Variants in CACNA2D3 observed in about 807,000 individuals in gnomAD.
CACNA2D3 encodes calcium voltage-gated channel auxiliary subunit alpha2delta 3.
Under a neutral mutation model 160.6 loss-of-function variants are expected in CACNA2D3, and 60 were observed. The observed-to-expected ratio is 0.37, with a 90% CI of 0.30 to 0.46. The LOEUF is 0.46. Among genes scored for constraint, CACNA2D3 ranks in the 20% least tolerant of loss-of-function variants. The probability of loss-of-function intolerance (pLI) is 1.00; values close to 1 mark genes in which losing one functional copy is unlikely to be tolerated. For missense variants in CACNA2D3, 1,205 were observed against 1,365.0 expected (o/e 0.88, Z 1.85); for synonymous variants, 558 against 492.9 (o/e 1.13, Z -1.75).
chr3:54,867,907 G>T (rs1406796328), intron 17 of CACNA2D3, among the ~76,000 whole-genome samples: 2 of 152,216 alleles, frequency 1.3e-5, no homozygotes, highest in African/African-American at 4.8e-5. Context: ...CACTGATCAG[G>T]CCACATGAAG....
intron 2 of CACNA2D3, among the ~76,000 whole-genome samples, chr3:54,194,167 G>T (rs1701030970): frequency 6.6e-6 from 1 of 152,098 alleles, no homozygotes; most frequent in Non-Finnish European, 1.5e-5. Context: ...GGAGAGTAGG[G>T]TGACTATAGT....
chr3:54,783,475 G>A (rs1207061642), intron 13 of CACNA2D3, among the ~76,000 whole-genome samples: 2 of 151,972 alleles, frequency 1.3e-5, no homozygotes, highest in African/African-American at 4.8e-5. Flanking sequence ...GCATGGTGCC[G>A]TGTGCCTGTA....
chr3:54,341,423 G>A (rs1698337837), intron 3 of CACNA2D3, among the ~76,000 whole-genome samples: 1 of 152,170 alleles, frequency 6.6e-6, no homozygotes, highest in Non-Finnish European at 1.5e-5. Context: ...GGGAAGCTGT[G>A]CAGAGAGACT....
intron 3 of CACNA2D3, among the ~76,000 whole-genome samples, chr3:54,330,750 C>T (rs1344546402): frequency 6.6e-6 from 1 of 152,176 alleles, no homozygotes; most frequent in African/African-American, 2.4e-5. Flanking sequence ...TGGGTGGCCT[C>T]TGTTAGGATG....
At chr3:55,073,064 A>G (rs748065808) in intron 35 of CACNA2D3, among the ~76,000 whole-genome samples, 9 of 152,202 alleles carry the variant, frequency 5.9e-5, no homozygotes, top group Non-Finnish European at 8.8e-5. Flanking sequence ...CGCCACTTAG[A>G]GGAACATCAA....
chr3:54,691,139 A>G (rs1222283247), intron 11 of CACNA2D3, among the ~76,000 whole-genome samples: 2 of 152,044 alleles, frequency 1.3e-5, no homozygotes, highest in African/African-American at 4.8e-5. Flanking sequence ...CTGGTTCCCA[A>G]CCCGCCAGAG....
chr3:54,378,454 A>G (rs1445039476), intron 3 of CACNA2D3, among the ~76,000 whole-genome samples: 2 of 152,126 alleles, frequency 1.3e-5, no homozygotes, highest in East Asian at 3.9e-4. Context: ...CAGGCCACCG[A>G]CCAGTACTGG....
chr3:55,008,306 G>A (rs1467699968), intron 33 of CACNA2D3, among the ~76,000 whole-genome samples: 1 of 152,138 alleles, frequency 6.6e-6, no homozygotes, highest in African/African-American at 2.4e-5. Flanking sequence ...TCAAACTATG[G>A]TCTTGTTTGG....
At chr3:54,884,162 C>T (rs770645660) in intron 21 of CACNA2D3, among the ~76,000 whole-genome samples, 8 of 152,128 alleles carry the variant, frequency 5.3e-5, no homozygotes, top group Admixed American at 3.3e-4. Context: ...AGAAAGGCTG[C>T]ACAGATAGAT....
At chr3:54,212,124 A>C (rs1389285365) in intron 2 of CACNA2D3, among the ~76,000 whole-genome samples, 1 of 152,226 alleles carries the variant, frequency 6.6e-6, no homozygotes, top group Non-Finnish European at 1.5e-5. Context: ...TATCTGAGAC[A>C]GGTCTGAATC....
chr3:54,487,512 G>A (rs919330898), intron 4 of CACNA2D3, among the ~76,000 whole-genome samples: 2 of 152,202 alleles, frequency 1.3e-5, no homozygotes, highest in African/African-American at 4.8e-5. Flanking sequence ...GAGGATAAGT[G>A]TGTCAACACA....
rs1703710948 is a variant in CACNA2D3, at chr3:55,032,846, A to T, written c.2987+14529A>T. 2.0e-5 allele frequency among the ~76,000 whole-genome samples: 3 copies of T among 150,584 alleles called. No individual in the cohort carries two copies. The South Asian group carries it at 6.3e-4, about 32-fold the overall frequency. On this transcript the variant is annotated intron_variant, in intron 35 of 37. Transcript: ENST00000474759. ...TCATGTTAATTCCTGTGTTCCTAGCACTTAACATAGGACCTTGTGTATAAA... is the reference window on the plus strand; with the variant it reads ...TCATGTTAATTCCTGTGTTCCTAGCTCTTAACATAGGACCTTGTGTATAAA...
intron 35 of CACNA2D3, among the ~76,000 whole-genome samples, chr3:55,043,031 A>G (rs1703991306): frequency 6.6e-6 from 1 of 152,192 alleles, no homozygotes; most frequent in African/African-American, 2.4e-5. Flanking sequence ...GACACTTTGG[A>G]GTTTTTGGTG....
chr3:54,300,297 C>A (rs1368562635), intron 2 of CACNA2D3, among the ~76,000 whole-genome samples: 2 of 152,146 alleles, frequency 1.3e-5, no homozygotes, highest in Non-Finnish European at 2.9e-5. Flanking sequence ...GATGTGATGC[C>A]CTGTCACCAG....
chr3:54,717,903 C>T (rs1425180017), intron 11 of CACNA2D3, among the ~76,000 whole-genome samples: 1 of 151,738 alleles, frequency 6.6e-6, no homozygotes, highest in African/African-American at 2.4e-5. Flanking sequence ...GTGTGTTCTG[C>T]ATCTGGGTGT....
At chr3:54,995,322 T>C (rs1360305112) in intron 31 of CACNA2D3, among the ~76,000 whole-genome samples, 4 of 152,172 alleles carry the variant, frequency 2.6e-5, no homozygotes, top group African/African-American at 9.7e-5. Context: ...TAGTTAGAAT[T>C]GGTCCAGCCA....
At chr3:54,347,451 A>G (rs964525077) in intron 3 of CACNA2D3, among the ~76,000 whole-genome samples, 1 of 152,154 alleles carries the variant, frequency 6.6e-6, no homozygotes, top group African/African-American at 2.4e-5. Context: ...CTGCCTTATT[A>G]ATAAGTTCTT....
At chr3:54,487,853 A>G (rs78521556) in intron 4 of CACNA2D3, among the ~76,000 whole-genome samples, 4,881 of 152,326 alleles carry the variant, frequency 0.032, 175 homozygotes, top group African/African-American at 0.091. Flanking sequence ...CACATGCTCA[A>G]TGACCACATG....
chr3:54,370,772 T>G (rs1698912774), intron 3 of CACNA2D3, among the ~76,000 whole-genome samples: 1 of 151,540 alleles, frequency 6.6e-6, no homozygotes, highest in Admixed American at 6.6e-5. Flanking sequence ...TTTTTGTATA[T>G]TCATTCAGCT....
Sources: gnomAD v4.1 joint callset for allele counts (sites outside exome capture counted in the v4.1 genomes callset) on GRCh38, gnomAD v4.1.1 for gene constraint, MANE v1.5 for transcripts, NCBI Gene and HGNC (gene_info 2026-07-23, HGNC 2026-07-21) for gene names.